OSBPL8: variants seen among roughly 807,000 people sequenced by gnomAD.
OSBPL8 encodes oxysterol binding protein like 8.
In OSBPL8, 59 loss-of-function variants were observed where a neutral mutation model predicts 125.5. The observed-to-expected ratio is 0.47, with a 90% CI of 0.38 to 0.58. OSBPL8 has a LOEUF of 0.58. Ranked by LOEUF, OSBPL8 falls within the 20% of genes least tolerant of loss-of-function variation. OSBPL8 has a pLI of 0.00. For missense variants in OSBPL8, 758 were observed against 1,047.8 expected (o/e 0.72, Z 3.82); for synonymous variants, 330 against 338.9 (o/e 0.97, Z 0.29).
In OSBPL8 at chr12:76,424,390, A is replaced by G. The variant is rs149228151; in HGVS notation, c.218-13756T>C. On this transcript the variant is annotated intron_variant, in intron 4 of 23. Transcript: ENST00000261183. ...GAGAATAAGTTTACCACTAATACCC[A>G]TAACTGCAACAAGTTTGTGGGTTTT... Among the ~76,000 whole-genome samples, 1,284 of 152,322 alleles carry G rather than the reference A, an allele frequency of 8.4e-3. 9 individuals are homozygous for G. Among genetic ancestry groups the G allele is most frequent in the Non-Finnish European group, 0.015 (1,004 of 68,026 alleles).
chr12:76,452,039 C>G (rs1218561451), intron 3 of OSBPL8, among the ~76,000 whole-genome samples: 1 of 151,828 alleles, frequency 6.6e-6, no homozygotes, highest in Non-Finnish European at 1.5e-5. Context: ...ATCGCTTGAA[C>G]CTGGGGGGCA....
rs986916231 is a variant in OSBPL8, at chr12:76,352,895, A to C, written c.*2994T>G. The stretch of plus-strand genomic sequence containing the variant: ...AGGCACTGTTAACAATACTCAGAAT[A>C]ATCTGACAAGTCTACATCAATGTCT... On this transcript the variant is annotated 3_prime_UTR_variant, in exon 24 of 24. Coordinates refer to ENST00000261183, the MANE Select transcript of OSBPL8 (RefSeq NM_020841.5). 3 of 152,546 alleles carry C rather than the reference A, an allele frequency of 2.0e-5. No individual in the cohort carries two copies. The highest frequency in any genetic ancestry group is 7.2e-5 in the African/African-American group (3 of 41,452). 9.4% of individuals were successfully genotyped at this position (152,546 alleles called of 1,614,324 possible).
chr12:76,393,815 A>C (rs1221269789), intron 9 of OSBPL8, among the ~76,000 whole-genome samples: 1 of 151,766 alleles, frequency 6.6e-6, no homozygotes, highest in Non-Finnish European at 1.5e-5. Context: ...TGAGGGCAAG[A>C]GTGTGAGACC....
chr12:76,461,771 C>T (rs1874769336), intron 2 of OSBPL8, among the ~76,000 whole-genome samples: 1 of 152,078 alleles, frequency 6.6e-6, no homozygotes, highest in Admixed American at 6.6e-5. Context: ...CAGCAATGCC[C>T]AATCCCCACT....
intron 4 of OSBPL8, among the ~76,000 whole-genome samples, chr12:76,430,242 CAG>C (rs1273478491): frequency 1.3e-5 from 2 of 152,102 alleles, no homozygotes; most frequent in African/African-American, 4.8e-5. Context: ...AACTGCAGTT[CAG>C]AGATAGGCTT....
At chr12:76,517,262 A>G (rs1881635883) in intron 1 of OSBPL8, among the ~76,000 whole-genome samples, 1 of 152,196 alleles carries the variant, frequency 6.6e-6, no homozygotes, top group African/African-American at 2.4e-5. Context: ...AAAATAAACA[A>G]GAGGTGGGGG....
intron 1 of OSBPL8, among the ~76,000 whole-genome samples, chr12:76,495,788 T>C (rs549145729): frequency 1.3e-4 from 19 of 151,878 alleles, no homozygotes; most frequent in South Asian, 6.2e-4. Context: ...ATTAATCCTG[T>C]TGGCTCTAAA....
At chr12:76,527,299 A>G (rs1388956443) in intron 1 of OSBPL8, among the ~76,000 whole-genome samples, 1 of 152,178 alleles carries the variant, frequency 6.6e-6, no homozygotes, top group Non-Finnish European at 1.5e-5. Flanking sequence ...ACAACCAATC[A>G]ATAAAGTACA....
chr12:76,526,761 C>T (rs1021575320), intron 1 of OSBPL8, among the ~76,000 whole-genome samples: 2 of 147,736 alleles, frequency 1.4e-5, no homozygotes, highest in Admixed American at 1.4e-4. Flanking sequence ...AGCAACTCTC[C>T]TGTCTCAGTC....
chr12:76,483,166 A>G (rs1877722749), intron 2 of OSBPL8, among the ~76,000 whole-genome samples: 1 of 152,158 alleles, frequency 6.6e-6, no homozygotes, highest in South Asian at 2.1e-4. Context: ...AGGCTGAGAC[A>G]GGAGAATGAT....
intron 11 of OSBPL8, 70 bp downstream of exon 11, chr12:76,390,350 A>G: frequency 8.8e-7 from 1 of 1,142,512 alleles, no homozygotes. Context: ...AGCAAATAAT[A>G]TCTTCAATTT....
intron 1 of OSBPL8, among the ~76,000 whole-genome samples, chr12:76,510,869 G>A (rs1386415690): frequency 2.2e-5 from 3 of 137,670 alleles, no homozygotes; most frequent in Non-Finnish European, 4.7e-5. Context: ...CAACAAGAGT[G>A]AAACCCCATC....
chr12:76,555,773 T>C (rs1480046947), intron 1 of OSBPL8, among the ~76,000 whole-genome samples: 2 of 152,198 alleles, frequency 1.3e-5, no homozygotes, highest in Admixed American at 1.3e-4. Flanking sequence ...CTTATCGTAC[T>C]TCCAAAACTC....
chr12:76,412,281 T>C lies in OSBPL8; in HGVS notation c.218-1647A>G, dbSNP rs141060384. Among the ~76,000 whole-genome samples the C allele has an allele frequency of 1.3e-4, 20 of 152,238 alleles. No homozygotes were observed. In the East Asian group the frequency reaches 3.5e-3, roughly 26 times the overall value. On this transcript the variant is annotated intron_variant, in intron 4 of 23. Transcript: ENST00000261183. Reference sequence around the variant, plus strand: ...TCTATTTACAAACAATCTATGGCGTTAGAGGTTGGAACAGTAGTTTACCTT... The same window carrying C: ...TCTATTTACAAACAATCTATGGCGTCAGAGGTTGGAACAGTAGTTTACCTT...
chr12:76,556,594 A>C (rs1951107580), intron 1 of OSBPL8, among the ~76,000 whole-genome samples: 1 of 152,184 alleles, frequency 6.6e-6, no homozygotes, highest in Non-Finnish European at 1.5e-5. Context: ...TGCTCCAGTC[A>C]AGCACTTCTA....
chr12:76,437,866 C>T (rs908074990), intron 4 of OSBPL8, among the ~76,000 whole-genome samples: 13 of 152,178 alleles, frequency 8.5e-5, no homozygotes, highest in Admixed American at 5.9e-4. Flanking sequence ...ATTAGATTTA[C>T]TGTTGTGTAT....
chr12:76,508,548 G>A (rs35415185), intron 1 of OSBPL8, among the ~76,000 whole-genome samples: 31,014 of 152,034 alleles, frequency 0.2, 3,406 homozygotes, highest in Non-Finnish European at 0.26. Flanking sequence ...GAGGTGAGGC[G>A]TTCTAAGTCA....
intron 1 of OSBPL8, among the ~76,000 whole-genome samples, chr12:76,497,190 CA>C (rs953164613): frequency 6.1e-5 from 9 of 147,860 alleles, no homozygotes; most frequent in Admixed American, 2.7e-4. Context: ...TAGGAATCAG[CA>C]AATTTTTTTT....
chr12:76,487,246 G>T (rs1878247589), intron 2 of OSBPL8, among the ~76,000 whole-genome samples: 1 of 151,882 alleles, frequency 6.6e-6, no homozygotes, highest in Admixed American at 6.6e-5. Context: ...GCCCAGGCTG[G>T]TCTTGAACTC....
Sources: gnomAD v4.1 joint callset for allele counts (sites outside exome capture counted in the v4.1 genomes callset) on GRCh38, gnomAD v4.1.1 for gene constraint, MANE v1.5 for transcripts, NCBI Gene and HGNC (gene_info 2026-07-23, HGNC 2026-07-21) for gene names.